TPRG1: variants seen among roughly 807,000 people sequenced by gnomAD.
TPRG1 encodes tumor protein p63-regulated gene 1 protein.
Under a neutral mutation model 29.3 loss-of-function variants are expected in TPRG1, and 29 were observed. That is an observed-to-expected ratio of 0.99 (90% confidence interval 0.74 to 1.35). The LOEUF is 1.35. Ranked by LOEUF, TPRG1 falls within the 40% of genes most tolerant of loss-of-function variation. TPRG1 has a pLI of 0.00. For missense variants in TPRG1, 327 were observed against 335.0 expected (o/e 0.98, Z 0.19); for synonymous variants, 130 against 116.8 (o/e 1.11, Z -0.73).
intron 4 of TPRG1, among the ~76,000 whole-genome samples, chr3:189,027,903 C>G (rs575734117): frequency 6.6e-6 from 1 of 152,042 alleles, no homozygotes; most frequent in Admixed American, 6.6e-5. Flanking sequence ...AACTTATTAC[C>G]GATTCCTGAG....
chr3:189,197,135 T>C (rs1008195839), intron 1 of TPRG1, among the ~76,000 whole-genome samples: 1 of 152,240 alleles, frequency 6.6e-6, no homozygotes. Flanking sequence ...CTTTAATGTG[T>C]AGGCATTGAC....
upstream of TPRG1, among the ~76,000 whole-genome samples, chr3:189,168,744 C>T (rs1728452102): frequency 6.6e-6 from 1 of 152,146 alleles, no homozygotes; most frequent in Non-Finnish European, 1.5e-5. Flanking sequence ...ACTCCTCTTT[C>T]CCAAAAGACT....
chr3:189,299,056 GT>G (rs762335610), intron 4 of TPRG1, among the ~76,000 whole-genome samples: 44 of 106,958 alleles, frequency 4.1e-4, no homozygotes, highest in African/African-American at 9.1e-4. Flanking sequence ...AGAAAAATGG[GT>G]TTTTTTTTTT....
At chr3:189,017,473 T>A (rs1421246064) in intron 3 of TPRG1, among the ~76,000 whole-genome samples, 1 of 152,128 alleles carries the variant, frequency 6.6e-6, no homozygotes, top group Non-Finnish European at 1.5e-5. Flanking sequence ...AGTGAGAATA[T>A]GCGGTGTTTG....
chr3:189,237,477 A>G (rs1739708047), intron 3 of TPRG1, among the ~76,000 whole-genome samples: 1 of 152,204 alleles, frequency 6.6e-6, no homozygotes, highest in Non-Finnish European at 1.5e-5. Context: ...TAAATGCTGC[A>G]AAGAGGAAAA....
chr3:189,065,827 A>C (rs183413683), intron 4 of TPRG1, among the ~76,000 whole-genome samples: 1 of 152,166 alleles, frequency 6.6e-6, no homozygotes, highest in Admixed American at 6.6e-5. Flanking sequence ...GCTAAGAAAA[A>C]AAAAGGCACA....
chr3:189,130,691 A>G lies in TPRG1; in HGVS notation c.-589-1708A>G, dbSNP rs552928215. Among the ~76,000 whole-genome samples, 5 of 152,322 alleles carry G rather than the reference A, an allele frequency of 3.3e-5. No homozygotes were observed. The South Asian group carries it at 1.0e-3, about 32-fold the overall frequency. On this transcript the variant is annotated intron_variant, in intron 2 of 6. Coordinates refer to the TPRG1 transcript ENST00000412373. ...ATTTATATATTCTGGCAGAATATGA[A>G]CTGCTTAGGACACACTCATAATGTG...
chr3:189,199,333 A>C (rs1035069673), intron 1 of TPRG1, among the ~76,000 whole-genome samples: 1 of 152,230 alleles, frequency 6.6e-6, no homozygotes, highest in Non-Finnish European at 1.5e-5. Flanking sequence ...CATCTAAAAC[A>C]TTCTGGACAC....
chr3:189,096,004 G>A (rs761877885), upstream of TPRG1, among the ~76,000 whole-genome samples: 1 of 152,178 alleles, frequency 6.6e-6, no homozygotes, highest in South Asian at 2.1e-4. Flanking sequence ...TATCCATAAC[G>A]TTTGCTCATG....
chr3:189,142,313 T>C (rs984034678), intron 3 of TPRG1, among the ~76,000 whole-genome samples: 2 of 152,158 alleles, frequency 1.3e-5, no homozygotes, highest in Non-Finnish European at 2.9e-5. Flanking sequence ...GGATTGATTA[T>C]ACCTGCAGAC....
intron 4 of TPRG1, among the ~76,000 whole-genome samples, chr3:189,260,651 C>G (rs1036632198): frequency 6.6e-6 from 1 of 152,228 alleles, no homozygotes; most frequent in African/African-American, 2.4e-5. Context: ...ACATGTATCT[C>G]TCCATGCTAT....
chr3:189,218,982 TG>T (rs1160302605), intron 3 of TPRG1, among the ~76,000 whole-genome samples: 1 of 152,174 alleles, frequency 6.6e-6, no homozygotes, highest in Non-Finnish European at 1.5e-5. Context: ...CCATACGTGA[TG>T]GGGAGGCACT....
chr3:189,299,449 A>G (rs977351514), intron 4 of TPRG1, among the ~76,000 whole-genome samples: 1 of 152,086 alleles, frequency 6.6e-6, no homozygotes, highest in African/African-American at 2.4e-5. Context: ...TCTGTTACAT[A>G]CCCCTCAAAA....
chr3:189,271,885 C>T lies in TPRG1; in HGVS notation c.479+32976C>T, dbSNP rs556841059. On this transcript the variant is annotated intron_variant, in intron 4 of 5. Coordinates refer to ENST00000345063, the MANE Select transcript of TPRG1 (RefSeq NM_198485.4). ...GTTAACTTCTCCGTAGCTCTAAGTC[C>T]GATCTCATCTGTAAAAATAGAGATA... Among the ~76,000 whole-genome samples, 22 of 152,252 alleles carry T rather than the reference C, an allele frequency of 1.4e-4. No homozygotes were observed. In the South Asian group the frequency reaches 3.9e-3, roughly 27 times the overall value.
intron 4 of TPRG1, among the ~76,000 whole-genome samples, chr3:189,032,048 AATGTTTGTAACCCATAACT>A (rs1246250241): frequency 6.6e-6 from 1 of 152,222 alleles, no homozygotes; most frequent in African/African-American, 2.4e-5. Flanking sequence ...TCCACATCCT[AATGTTTGTAACCCATAACT>A]ATGTTACCTT....
chr3:189,255,764 G>A (rs934479953), intron 4 of TPRG1, among the ~76,000 whole-genome samples: 11 of 152,134 alleles, frequency 7.2e-5, no homozygotes, highest in African/African-American at 2.7e-4. Flanking sequence ...GGGTGTATGT[G>A]TCCAGGAATT....
intron 4 of TPRG1, among the ~76,000 whole-genome samples, chr3:189,284,369 A>AT (rs1439565169): frequency 1.5e-5 from 1 of 67,216 alleles, no homozygotes; most frequent in Non-Finnish European, 2.7e-5. Flanking sequence ...CCCACCCCAC[A>AT]ACAGGCCCTG....
rs1724505552 is a variant in TPRG1, at chr3:189,323,757, T to C, written c.*2937T>C. 6.6e-6 allele frequency: 1 copy of C among 152,168 alleles called. No homozygotes were observed. The highest frequency in any genetic ancestry group is 1.5e-5 in the Non-Finnish European group (1 of 68,020). 9.4% of individuals were successfully genotyped at this position (152,168 alleles called of 1,614,324 possible). A position where few individuals can be genotyped will look rare whatever the true frequency, so the allele number is the denominator to read the frequency against. ...ATGGCATGATGAGTTTGATTGATAATAGGAGTAGACGCAAGATACATTAAG... is the reference window on the plus strand; with the variant it reads ...ATGGCATGATGAGTTTGATTGATAACAGGAGTAGACGCAAGATACATTAAG... On this transcript the variant is annotated 3_prime_UTR_variant, in exon 6 of 6. Coordinates refer to ENST00000345063, the MANE Select transcript of TPRG1 (RefSeq NM_198485.4).
At chr3:189,034,274 A>G (rs1714119972) in intron 4 of TPRG1, among the ~76,000 whole-genome samples, 2 of 152,194 alleles carry the variant, frequency 1.3e-5, no homozygotes, top group African/African-American at 4.8e-5. Flanking sequence ...AATCAAAAGC[A>G]GATCCTTTCA....
Sources: allele counts gnomAD v4.1 joint callset (sites outside exome capture counted in the v4.1 genomes callset), GRCh38; gene constraint gnomAD v4.1.1; transcripts MANE v1.5; gene names NCBI Gene and HGNC (gene_info 2026-07-23, HGNC 2026-07-21).